Variants in TMC2 observed in about 807,000 individuals in gnomAD.
TMC2 encodes transmembrane channel like 2.
In TMC2, 102 loss-of-function variants were observed where a neutral mutation model predicts 105.9. The observed-to-expected ratio is 0.96, with a 90% confidence interval of 0.82 to 1.14. TMC2 has a LOEUF of 1.14. Among genes scored for constraint, TMC2 ranks in the 50% most tolerant of loss-of-function variants. TMC2 has a pLI of 0.00. For missense variants in TMC2, 1,093 were observed against 1,134.3 expected, an observed-to-expected ratio of 0.96 and a Z score of 0.52; for synonymous variants, 402 against 422.8, an observed-to-expected ratio of 0.95 and a Z score of 0.60.
chr20:2,554,314 A>G (rs2085973843), intron 2 of TMC2, among the ~76,000 whole-genome samples: 1 of 152,212 alleles, frequency 6.6e-6, no homozygotes, highest in South Asian at 2.1e-4. Context: ...AAATCGATAA[A>G]TAATGTATGT....
chr20:2,537,871 C>T (rs1378512140), intron 2 of TMC2, among the ~76,000 whole-genome samples: 1 of 152,112 alleles, frequency 6.6e-6, no homozygotes, highest in Non-Finnish European at 1.5e-5. Flanking sequence ...GCAGAAGCCA[C>T]ACTCACAGGC....
chr20:2,609,080 A>G (rs997044038), intron 11 of TMC2, among the ~76,000 whole-genome samples: 11 of 152,228 alleles, frequency 7.2e-5, no homozygotes, highest in African/African-American at 2.7e-4. Flanking sequence ...TAGTTTTCAC[A>G]TAAATATCTG....
chr20:2,561,035 A>G (rs969712579), intron 3 of TMC2, among the ~76,000 whole-genome samples: 4 of 152,230 alleles, frequency 2.6e-5, no homozygotes, highest in African/African-American at 9.6e-5. Flanking sequence ...AAATGTGGCC[A>G]GTGTGACTGA....
intron 10 of TMC2, among the ~76,000 whole-genome samples, chr20:2,601,771 T>C (rs2086353322): frequency 1.3e-5 from 2 of 151,576 alleles, no homozygotes; most frequent in Admixed American, 1.3e-4. Context: ...ACCCAGGAGG[T>C]GGTGAGCCGA....
At chr20:2,574,400 T>TA (rs563609293) in intron 5 of TMC2, among the ~76,000 whole-genome samples, 391 of 152,382 alleles carry the variant, frequency 2.6e-3, no homozygotes, top group Non-Finnish European at 4.5e-3. Flanking sequence ...ACTTGCATTA[T>TA]AATTGTAAAT....
intron 5 of TMC2, among the ~76,000 whole-genome samples, chr20:2,573,435 C>T (rs958093971): frequency 2.6e-5 from 4 of 151,722 alleles, no homozygotes; most frequent in African/African-American, 4.8e-5. Context: ...CAAATGCGAT[C>T]ATTTTTCAAT....
chr20:2,554,409 C>T (rs1009405117), intron 2 of TMC2, among the ~76,000 whole-genome samples: 1 of 152,176 alleles, frequency 6.6e-6, no homozygotes, highest in East Asian at 1.9e-4. Flanking sequence ...TGATTTCATG[C>T]TTCTCTCCAT....
intron 10 of TMC2, among the ~76,000 whole-genome samples, chr20:2,600,208 A>G (rs190185708): frequency 2.0e-5 from 3 of 152,220 alleles, no homozygotes; most frequent in Non-Finnish European, 4.4e-5. Context: ...TTGTAAGTTT[A>G]TTAAAAGAGA....
rs992920899 is a variant in TMC2, at chr20:2,594,396, T to G, written c.934-429T>G. 4.3e-4 allele frequency among the ~76,000 whole-genome samples: 65 copies of G among 151,966 alleles called. 1 individual carries two copies. The highest frequency in any genetic ancestry group is 3.7e-3 in the Admixed American group (56 of 15,266). On this transcript the variant is annotated intron_variant, in intron 8 of 19. Transcript: ENST00000358864. ...GCACCTGCTATTACACCTGGCAAAT[T>G]TTTGTATTTTTAGTAGAGACAAGGT... is the stretch of plus-strand genomic sequence containing the variant.
chr20:2,597,247 G>T lies in TMC2; in HGVS notation c.1173G>T (p.Gly391=). The T allele has an allele frequency of 5.0e-6, 8 of 1,614,086 alleles. No homozygotes were observed. Among genetic ancestry groups the T allele is most frequent in the South Asian group, 1.1e-5 (1 of 91,066 alleles). Residue 391 remains glycine, a synonymous_variant, in exon 10 of 20, where the codon GGG becomes GGT. Coordinates refer to ENST00000358864, the MANE Select transcript of TMC2 (RefSeq NM_080751.3). The part of the protein sequence containing the change: ...KMFTSWDYLI[G]NSETADNKYA... Reference sequence around the variant, plus strand: ...TCACCAGCTGGGACTACCTGATCGGGAATTCAGAGACAGCTGATAACAAAT... The same window carrying T: ...TCACCAGCTGGGACTACCTGATCGGTAATTCAGAGACAGCTGATAACAAAT...
At chr20:2,623,124 GTAAC>G (rs2086537721) in intron 16 of TMC2, among the ~76,000 whole-genome samples, 1 of 152,050 alleles carries the variant, frequency 6.6e-6, no homozygotes, top group Non-Finnish European at 1.5e-5. Flanking sequence ...CTTGAAATGT[GTAAC>G]TAAGAAACTG....
chr20:2,550,809 C>T (rs758666545), intron 2 of TMC2, among the ~76,000 whole-genome samples: 14 of 152,192 alleles, frequency 9.2e-5, no homozygotes, highest in African/African-American at 2.4e-4. Context: ...GTCTTTTCAT[C>T]GCTTGAAAGT....
chr20:2,627,038 C>T (rs1225998732), intron 17 of TMC2, among the ~76,000 whole-genome samples: 1 of 152,146 alleles, frequency 6.6e-6, no homozygotes, highest in Non-Finnish European at 1.5e-5. Flanking sequence ...TGCTAACAGG[C>T]CTCAGATGTG....
chr20:2,573,515 C>T (rs1170822059), intron 5 of TMC2, among the ~76,000 whole-genome samples: 1 of 146,194 alleles, frequency 6.8e-6, no homozygotes, highest in Non-Finnish European at 1.5e-5. Flanking sequence ...ATATCTGGTT[C>T]TCTTATGGTA....
chr20:2,632,972 A>G (rs1316275848), intron 17 of TMC2, among the ~76,000 whole-genome samples: 4 of 92,098 alleles, frequency 4.3e-5, no homozygotes, highest in African/African-American at 7.8e-5. Context: ...CCTCCCTTCC[A>G]TGGGTTTGTT....
intron 8 of TMC2, among the ~76,000 whole-genome samples, chr20:2,594,225 CTT>C (rs565664102): frequency 2.2e-4 from 25 of 113,756 alleles, no homozygotes; most frequent in Admixed American, 5.0e-4. Context: ...CTAAGGATTC[CTT>C]TTTTTTTTTT....
chr20:2,545,919 AT>A (rs1317953493), intron 2 of TMC2, among the ~76,000 whole-genome samples: 1 of 147,498 alleles, frequency 6.8e-6, no homozygotes, highest in African/African-American at 2.7e-5. Flanking sequence ...AAAGAAAGAA[AT>A]GAAAGAAAGA....
rs374364073 is a variant in TMC2 at position 2,616,101 on chromosome 20, TTC to T, written c.1873-23_1873-22del. 6.9e-3 allele frequency: 9,543 copies of T among 1,377,352 alleles called. No individual in the cohort carries two copies. Among genetic ancestry groups the T allele is most frequent in the Non-Finnish European group, 7.3e-3 (7,363 of 1,009,116 alleles). 85.3% of individuals were successfully genotyped at this position (1,377,352 alleles called of 1,614,324 possible). A position where few individuals can be genotyped will look rare whatever the true frequency, so the allele number is the denominator to read the frequency against. ...GAATTCACCAAACGTGCTTTTTTTTTTCTCTCTCTCTCTCGCTCCCTCCCTCC... is the reference window on the plus strand; with the variant it reads ...GAATTCACCAAACGTGCTTTTTTTTTTCTCTCTCTCTCGCTCCCTCCCTCC... On this transcript the variant is annotated intron_variant, in intron 14 of 19. Transcript: ENST00000358864. This position sits in a 1 kb window ranked among gnomAD's most constrained non-coding sequence, Gnocchi z 4.8.
Position 2,613,105 on chromosome 20 carries a change from A to T in TMC2, c.1744-89A>T, listed in dbSNP as rs2086453509. ...AGACAAAGTCAGGTGGGTGGGGGAG[A>T]GTTTATTAGACTCTCAACAAACTCT... is the stretch of plus-strand genomic sequence containing the variant. On this transcript the variant is annotated intron_variant, in intron 13 of 19. Transcript: ENST00000358864. The T allele has an allele frequency of 5.3e-6, 8 of 1,509,074 alleles. No homozygotes were observed. In the South Asian group the frequency reaches 1.1e-4, roughly 20 times the overall value. The allele number at this position is 1,509,074 out of a possible 1,614,324, so 93.5% of individuals were successfully genotyped here. A position where few individuals can be genotyped will look rare whatever the true frequency, so the allele number is the denominator to read the frequency against.
Sources: allele counts gnomAD v4.1 joint callset (sites outside exome capture counted in the v4.1 genomes callset), GRCh38; gene constraint gnomAD v4.1.1; non-coding constraint Gnocchi (gnomAD v3.1); transcripts MANE v1.5; gene names NCBI Gene and HGNC (gene_info 2026-07-23, HGNC 2026-07-21).